Variants in FBXL7 observed in about 807,000 individuals in gnomAD.
FBXL7 encodes the protein F-box and leucine rich repeat protein 7, also known as F-box/LRR-repeat protein 7.
A neutral mutation model predicts 38.3 loss-of-function variants in FBXL7; 12 were observed. The observed-to-expected ratio is 0.31, with a 90% CI of 0.20 to 0.51. The LOEUF is 0.51. Among genes scored for constraint, FBXL7 ranks in the 20% least tolerant of loss-of-function variants. FBXL7 has a pLI of 0.98. For missense variants in FBXL7, 567 were observed against 676.4 expected (o/e 0.84, Z 1.79); for synonymous variants, 297 against 300.9 (o/e 0.99, Z 0.13).
chr5:15,597,634 A>G (rs567868806), intron 1 of FBXL7, among the ~76,000 whole-genome samples: 8 of 152,270 alleles, frequency 5.3e-5, no homozygotes, highest in African/African-American at 1.9e-4. Flanking sequence ...AAAGATTTTA[A>G]TGTGTAGATT....
At chr5:15,794,838 G>A (rs775814587) in intron 2 of FBXL7, among the ~76,000 whole-genome samples, 6 of 152,062 alleles carry the variant, frequency 3.9e-5, no homozygotes, top group Non-Finnish European at 8.8e-5. Context: ...AGAGGGGAGA[G>A]GCGAAAAAAA....
At chr5:15,838,376 G>A (rs568459453) in intron 2 of FBXL7, among the ~76,000 whole-genome samples, 101 of 152,028 alleles carry the variant, frequency 6.6e-4, no homozygotes, top group Non-Finnish European at 1.3e-3. Context: ...TGGAAGATGC[G>A]AGGGGTCTCT....
At chr5:15,818,124 G>A (rs1420090294) in intron 2 of FBXL7, among the ~76,000 whole-genome samples, 2 of 152,106 alleles carry the variant, frequency 1.3e-5, no homozygotes, top group African/African-American at 2.4e-5. Flanking sequence ...ATGTGTTTTT[G>A]TAGGTGTGTG....
At chr5:15,532,681 G>A (rs988532527) in intron 1 of FBXL7, among the ~76,000 whole-genome samples, 1 of 152,228 alleles carries the variant, frequency 6.6e-6, no homozygotes, top group African/African-American at 2.4e-5. Context: ...CTCAGCATCT[G>A]CTCTGATCTT....
At chr5:15,923,116 A>G (rs1741785917) in intron 2 of FBXL7, among the ~76,000 whole-genome samples, 1 of 152,170 alleles carries the variant, frequency 6.6e-6, no homozygotes, top group Non-Finnish European at 1.5e-5. Context: ...TGTCATCTTA[A>G]TATTTGTCTC....
At chr5:15,811,180 C>T (rs1478838784) in intron 2 of FBXL7, among the ~76,000 whole-genome samples, 2 of 152,144 alleles carry the variant, frequency 1.3e-5, no homozygotes, top group Non-Finnish European at 2.9e-5. Flanking sequence ...ATTATGGGAA[C>T]TTTTGCTGTG....
intron 1 of FBXL7, among the ~76,000 whole-genome samples, chr5:15,521,628 C>T (rs1201002178): frequency 1.3e-5 from 2 of 152,202 alleles, no homozygotes; most frequent in African/African-American, 2.4e-5. Context: ...TGTGAGAACA[C>T]AGAGCCTACT....
intron 1 of FBXL7, among the ~76,000 whole-genome samples, chr5:15,586,370 CCTTTCTCAATCT>C (rs1171437617): frequency 1.3e-5 from 2 of 149,370 alleles, no homozygotes; most frequent in African/African-American, 2.5e-5. Context: ...TCTTCCCCTC[CCTTTCTCAATCT>C]CTTTCTCAAT....
At chr5:15,649,726 C>T (rs1580433469) in intron 2 of FBXL7, among the ~76,000 whole-genome samples, 1 of 151,138 alleles carries the variant, frequency 6.6e-6, no homozygotes, top group South Asian at 2.1e-4. Context: ...CACTATGTCA[C>T]CTCAGTGCCC....
chr5:15,511,816 A>C (rs1458695464), intron 1 of FBXL7, among the ~76,000 whole-genome samples: 1 of 152,220 alleles, frequency 6.6e-6, no homozygotes, highest in East Asian at 1.9e-4. Context: ...TTGCAGCTGT[A>C]TTAGGAATAG....
chr5:15,930,781 T>C (rs1258567086), intron 3 of FBXL7, among the ~76,000 whole-genome samples: 1 of 152,166 alleles, frequency 6.6e-6, no homozygotes, highest in Admixed American at 6.6e-5. Flanking sequence ...GGGAGAAAGT[T>C]TCAGATAGAT....
At chr5:15,827,868 G>A (rs1393001437) in intron 2 of FBXL7, among the ~76,000 whole-genome samples, 1 of 152,168 alleles carries the variant, frequency 6.6e-6, no homozygotes, top group Non-Finnish European at 1.5e-5. Context: ...TCCTTATGAG[G>A]GCAATTGGTA....
intron 2 of FBXL7, among the ~76,000 whole-genome samples, chr5:15,839,353 T>C (rs1738679987): frequency 6.6e-6 from 1 of 152,140 alleles, no homozygotes; most frequent in Admixed American, 6.5e-5. Flanking sequence ...TATTCTAAAA[T>C]TATAAAATTT....
rs370839656 is a variant in FBXL7 at position 15,615,992 on chromosome 5, G to C, written c.47G>C (p.Ser16Thr). The stretch of plus-strand genomic sequence containing the variant: ...TTCCTGTTTCTTCCAGGCAAAGGCA[G>C]CTCGAGCATCTCATCTGACGTGAGT... ...GKQYGSEGKG[S>T]SSISSDVSSS... Residue 16 changes from serine to threonine, a missense_variant, in exon 2 of 4, where the codon AGC becomes ACC. Coordinates refer to ENST00000504595, the MANE Select transcript of FBXL7 (RefSeq NM_012304.5). 1 of 1,612,134 alleles carries C rather than the reference G, an allele frequency of 6.2e-7. No homozygotes were observed. The highest frequency in any genetic ancestry group is 1.7e-5 in the Admixed American group (1 of 59,824).
chr5:15,664,323 C>T (rs534045386), intron 2 of FBXL7, among the ~76,000 whole-genome samples: 94 of 152,220 alleles, frequency 6.2e-4, no homozygotes, highest in Non-Finnish European at 1.1e-3. Context: ...ACTCTACAAT[C>T]TATGTTACTC....
At chr5:15,503,558 T>A (rs535508914) in intron 1 of FBXL7, among the ~76,000 whole-genome samples, 2 of 152,324 alleles carry the variant, frequency 1.3e-5, no homozygotes, top group South Asian at 4.1e-4. Flanking sequence ...GTAACCAATC[T>A]TGCTGTTTTC....
chr5:15,763,714 C>T (rs1004654204), intron 2 of FBXL7, among the ~76,000 whole-genome samples: 8 of 152,050 alleles, frequency 5.3e-5, no homozygotes, highest in African/African-American at 1.4e-4. Context: ...AAACAAAATG[C>T]GTGATGTTCA....
rs1253503427 is a variant in FBXL7, at chr5:15,643,528, C to CT, written c.127+27463dup. 7.9e-5 allele frequency among the ~76,000 whole-genome samples: 12 copies of CT among 152,248 alleles called. No individual in the cohort carries two copies. The East Asian group carries it at 9.7e-4, about 12-fold the overall frequency. ...CTTGCCCTCCTTTTTATCTTCTTTA[C>CT]TTTTTTTACTATGGCCAGGGTTGGA... is the stretch of plus-strand genomic sequence containing the variant. On this transcript the variant is annotated intron_variant, in intron 2 of 3. Transcript: ENST00000504595.
chr5:15,829,127 C>T (rs1738388689), intron 2 of FBXL7, among the ~76,000 whole-genome samples: 1 of 152,112 alleles, frequency 6.6e-6, no homozygotes, highest in Non-Finnish European at 1.5e-5. Context: ...TTGCATAAAC[C>T]AGATAATTAA....
Sources: allele counts gnomAD v4.1 joint callset (sites outside exome capture counted in the v4.1 genomes callset), GRCh38; gene constraint gnomAD v4.1.1; transcripts MANE v1.5; gene names NCBI Gene and HGNC (gene_info 2026-07-23, HGNC 2026-07-21).